Variants in TMED9 observed in about 807,000 individuals in gnomAD.
TMED9 encodes the protein transmembrane p24 trafficking protein 9.
A neutral mutation model predicts 30.6 loss-of-function variants in TMED9; 22 were observed. The observed-to-expected ratio is 0.72, with a 90% confidence interval of 0.51 to 1.03. The LOEUF (loss-of-function observed/expected upper bound fraction) is 1.03, where lower values mean the gene tolerates loss of function less well. Ranked by LOEUF, TMED9 falls within the 50% of genes least tolerant of loss-of-function variation. The pLI is 0.00. For missense variants in TMED9, 251 were observed against 302.1 expected, an observed-to-expected ratio of 0.83 and a Z score of 1.25; for synonymous variants, 146 against 122.8, an observed-to-expected ratio of 1.19 and a Z score of -1.25.
chr5:177,596,909 T>C lies in TMED9; in HGVS notation c.*1493T>C, dbSNP rs1167469662. ...CTGGCACCTCAGAATCACAGTGTTA[T>C]TGATCAGGGATGTGAGGCTGCTGTT... On this transcript the variant is annotated 3_prime_UTR_variant, in exon 5 of 5. Transcript: ENST00000332598. 2.0e-5 allele frequency among the ~76,000 whole-genome samples: 3 copies of C among 152,038 alleles called. No individual in the cohort carries two copies. Among genetic ancestry groups the C allele is most frequent in the Non-Finnish European group, 4.4e-5 (3 of 68,014 alleles).
At chr5:177,594,560 A>G (rs1767650525) in intron 4 of TMED9, among the ~76,000 whole-genome samples, 1 of 152,178 alleles carries the variant, frequency 6.6e-6, no homozygotes, top group Non-Finnish European at 1.5e-5. Flanking sequence ...ACATGCTCCC[A>G]GGACCAGGGT....
rs544201347 is a variant in TMED9 at position 177,594,680 on chromosome 5, C to T, written c.558+395C>T. 5.3e-5 allele frequency among the ~76,000 whole-genome samples: 8 copies of T among 152,366 alleles called. No individual in the cohort carries two copies. In the East Asian group the frequency reaches 7.7e-4, roughly 15 times the overall value. On this transcript the variant is annotated intron_variant, in intron 4 of 4. Transcript: ENST00000332598. ...AACAAGCACAGCCACTGTTCAGTGT[C>T]ACCTGGGGGCTTCCTTGCAGAAATA...
At chr5:177,593,341 AAAG>A (rs1275061902) in intron 2 of TMED9, 5 of 253,916 alleles carry the variant, frequency 2.0e-5, no homozygotes, top group Admixed American at 1.5e-4. Context: ...CAAAAACAAA[AAAG>A]AACCCCCCAA....
chr5:177,592,260 A>C lies in TMED9; in HGVS notation c.46A>C (p.Thr16Pro). The change falls in exon 1 of 5, where the codon ACC becomes CCC. Residue 16 changes from threonine to proline, a missense_variant. By Grantham distance (38) the Thr-to-Pro change is conservative. Coordinates refer to ENST00000332598, the MANE Select transcript of TMED9 (RefSeq NM_017510.6). ...GCTGCTCGTCCGGCCCCGGCCCGGA[A>C]CCGGGCTGGGTAGAGTGATGCGGAC... is the stretch of plus-strand genomic sequence containing the variant. ...GVLLVRPRPG[T>P]GLGRVMRTLL... The C allele has an allele frequency of 6.2e-7, 1 of 1,611,704 alleles. No homozygotes were observed. Among genetic ancestry groups the C allele is most frequent in the Non-Finnish European group, 8.5e-7 (1 of 1,179,124 alleles).
rs748359800 is a variant in TMED9 at position 177,592,231 on chromosome 5, G to T, written c.17G>T (p.Gly6Val). MAVEL[G>V]VLLVRPRPGT... ...TGGAGCAAGATGGCTGTGGAGCTGG[G>T]CGTGCTGCTCGTCCGGCCCCGGCCC... Residue 6 changes from glycine (G) to valine (V), a missense_variant, in exon 1 of 5, where the codon GGC (glycine) becomes GTC (valine). This residue lies in a region of TMED9 where 98 missense variants were observed against 62.5 expected (regional missense o/e 1.57). Transcript: ENST00000332598. The T allele has an allele frequency of 1.1e-5, 18 of 1,607,344 alleles. No homozygotes were observed. The highest frequency in any genetic ancestry group is 1.1e-5 in the Non-Finnish European group (13 of 1,177,714).
Position 177,592,347 on chromosome 5 carries a change from A to G in TMED9, c.133A>G (p.Thr45Ala), listed in dbSNP as rs1207548895. 1.9e-6 allele frequency: 3 copies of G among 1,605,690 alleles called. No individual in the cohort carries two copies. The highest frequency in any genetic ancestry group is 3.3e-4 in the Middle Eastern group (2 of 6,054). The change falls in exon 1 of 5, where the codon ACG (threonine) becomes GCG (alanine). Residue 45 changes from threonine (T) to alanine (A), a missense_variant. This residue lies in a region of TMED9 where 98 missense variants were observed against 62.5 expected (regional missense o/e 1.57). Transcript: ENST00000332598. Reference sequence around the variant, plus strand: ...CGCGCTCTACTTTCACATCGGAGAGACGGAGAAGAAGTGCTTTATTGAGGA... The same window carrying G: ...CGCGCTCTACTTTCACATCGGAGAGGCGGAGAAGAAGTGCTTTATTGAGGA... ...GSALYFHIGE[T>A]EKKCFIEEIP...
In TMED9 at chr5:177,594,286, G is replaced by C; in HGVS notation, c.558+1G>C. 1 of 1,613,934 alleles carries C rather than the reference G, an allele frequency of 6.2e-7. No individual in the cohort carries two copies. Among genetic ancestry groups the C allele is most frequent in the East Asian group, 2.2e-5 (1 of 44,890 alleles). On this transcript the variant is annotated splice_donor_variant, in intron 4 of 4. Coordinates refer to ENST00000332598, the MANE Select transcript of TMED9 (RefSeq NM_017510.6). LOFTEE classifies it high-confidence loss of function. ...CCAGAAAGAGCAGAACTACCAGCGG[G>C]TGAGTGACTGGGCCGGGAGCAGTGG...
At chr5:177,594,721 C>T (rs1050793154) in intron 4 of TMED9, among the ~76,000 whole-genome samples, 1 of 152,244 alleles carries the variant, frequency 6.6e-6, no homozygotes, top group African/African-American at 2.4e-5. Context: ...CCTGGCTTTA[C>T]AGATGTTCCA....
At position 177,595,881 on chromosome 5, in the gene TMED9, G is replaced by A. The variant is rs1767681634; in HGVS notation, c.*465G>A. The A allele has an allele frequency of 6.5e-6, 1 of 153,062 alleles. No individual in the cohort carries two copies. Among genetic ancestry groups the A allele is most frequent in the African/African-American group, 2.4e-5 (1 of 41,390 alleles). The allele number at this position is 153,062 out of a possible 1,614,324, so 9.5% of individuals were successfully genotyped here. A position where few individuals can be genotyped will look rare whatever the true frequency, so the allele number is the denominator to read the frequency against. On this transcript the variant is annotated 3_prime_UTR_variant, in exon 5 of 5. Coordinates refer to ENST00000332598, the MANE Select transcript of TMED9 (RefSeq NM_017510.6). ...TTCAGCCTAGACCTGCTGATCCAGG[G>A]TGTGTGTGAGTTGAGGGTGGGTGGA...
chr5:177,595,241 C>G, intron 4 of TMED9, 26 bp from the exon 5 acceptor site: 1 of 1,520,122 alleles, frequency 6.6e-7, no homozygotes, highest in South Asian at 1.2e-5. Flanking sequence ...CCAGCCAACT[C>G]AGGCTCACCT....
intron 3 of TMED9, 150 bp from the exon 4 acceptor site, chr5:177,593,989 C>G (rs567156033): frequency 8.1e-7 from 1 of 1,231,726 alleles, no homozygotes; most frequent in African/African-American, 1.5e-5. Context: ...GCTTGTGTGC[C>G]CAGAGCCTCA....
rs1346206049 is a variant in TMED9, at chr5:177,592,242, G to T, written c.28G>T (p.Val10Phe). The change falls in exon 1 of 5, where the codon GTC becomes TTC. Residue 10 changes from valine to phenylalanine, a missense_variant. This residue lies in a region of TMED9 where 98 missense variants were observed against 62.5 expected (regional missense o/e 1.57). Coordinates refer to ENST00000332598, the MANE Select transcript of TMED9 (RefSeq NM_017510.6). ...GGCTGTGGAGCTGGGCGTGCTGCTC[G>T]TCCGGCCCCGGCCCGGAACCGGGCT... The part of the protein sequence containing the change: MAVELGVLL[V>F]RPRPGTGLGR... 3 of 1,609,860 alleles carry T rather than the reference G, an allele frequency of 1.9e-6. No homozygotes were observed. Among genetic ancestry groups the T allele is most frequent in the Non-Finnish European group, 2.5e-6 (3 of 1,178,584 alleles).
chr5:177,592,517 C>T (rs1767607137), intron 1 of TMED9, 58 bp from the exon 2 acceptor site: 1 of 1,570,026 alleles, frequency 6.4e-7, no homozygotes. Context: ...CCCAGGCGGT[C>T]GCGGAACCCA....
intron 4 of TMED9, 131 bp from the exon 5 acceptor site, chr5:177,595,136 T>C: frequency 3.2e-6 from 3 of 940,950 alleles, no homozygotes; most frequent in Non-Finnish European, 4.6e-6. Context: ...AGTCCCCAGG[T>C]AGAGTGACAC....
chr5:177,593,305 G>A lies in TMED9; in HGVS notation c.286-345G>A, dbSNP rs1422937562. The A allele has an allele frequency of 1.9e-5, 4 of 207,392 alleles. No homozygotes were observed. In the Admixed American group the frequency reaches 2.1e-4, roughly 11 times the overall value. The allele number at this position is 207,392 out of a possible 1,614,324, so 12.8% of individuals were successfully genotyped here. ...AGCATCACTGCACTCCAGCCAGGAC[G>A]ACAGAGTGAGACTCTGTCTCAAAAA... On this transcript the variant is annotated intron_variant, in intron 2 of 4. Transcript: ENST00000332598.
Position 177,595,632 on chromosome 5 carries a change from G to A in TMED9, c.*216G>A, listed in dbSNP as rs145382488. On this transcript the variant is annotated 3_prime_UTR_variant, in exon 5 of 5. Transcript: ENST00000332598. The stretch of plus-strand genomic sequence containing the variant: ...GCCCTCTCTCTCTGGCCTCTGGGCC[G>A]TTTGGTAGTAATCACCCAAGGGCTG... 7.6e-6 allele frequency: 3 copies of A among 394,468 alleles called. No homozygotes were observed. Among genetic ancestry groups the A allele is most frequent in the Admixed American group, 4.3e-5 (1 of 23,208 alleles). The allele number at this position is 394,468 out of a possible 1,614,324, so 24.4% of individuals were successfully genotyped here.
In TMED9 at chr5:177,592,255, C is replaced by T. The variant is rs1213396175; in HGVS notation, c.41C>T (p.Pro14Leu). The T allele has an allele frequency of 1.2e-6, 2 of 1,611,426 alleles. No individual in the cohort carries two copies. Among genetic ancestry groups the T allele is most frequent in the African/African-American group, 1.3e-5 (1 of 75,024 alleles). Reference sequence around the variant, plus strand: ...GGCGTGCTGCTCGTCCGGCCCCGGCCCGGAACCGGGCTGGGTAGAGTGATG... The same window carrying T: ...GGCGTGCTGCTCGTCCGGCCCCGGCTCGGAACCGGGCTGGGTAGAGTGATG... ...ELGVLLVRPR[P>L]GTGLGRVMRT... The change falls in exon 1 of 5, where the codon CCC becomes CTC. Residue 14 changes from proline to leucine, a missense_variant. This residue lies in a region of TMED9 where 98 missense variants were observed against 62.5 expected (regional missense o/e 1.57). Transcript: ENST00000332598.
chr5:177,595,216 G>A, intron 4 of TMED9, 51 bp from the exon 5 acceptor site: 1 of 1,467,844 alleles, frequency 6.8e-7, no homozygotes, highest in East Asian at 2.5e-5. Context: ...CTGGGAATCA[G>A]CAGTTCTAGC....
intron 4 of TMED9, among the ~76,000 whole-genome samples, chr5:177,594,819 T>G (rs1306479377): frequency 1.3e-5 from 2 of 152,214 alleles, no homozygotes; most frequent in Non-Finnish European, 1.5e-5. Context: ...TTACCTGTGT[T>G]TTAAATGTTG....
Sources: gnomAD v4.1 joint callset for allele counts (sites outside exome capture counted in the v4.1 genomes callset) on GRCh38, gnomAD v4.1.1 for gene constraint, gnomAD v4.1.1 regional missense constraint, MANE v1.5 for transcripts, NCBI Gene and HGNC (gene_info 2026-07-23, HGNC 2026-07-21) for gene names.